The following ZNF141 variants were observed in gnomAD, a reference collection of about 807,000 sequenced individuals.
ZNF141 encodes zinc finger protein 141 (clone pHZ-44).
ZNF141 carries 7 observed loss-of-function variants against 11.3 expected under a neutral mutation model. The ratio of observed to expected loss-of-function variants is 0.62; its 90% CI spans 0.35 to 1.16. The LOEUF (loss-of-function observed/expected upper bound fraction) is 1.16, where lower values mean the gene tolerates loss of function less well. Among genes scored for constraint, ZNF141 ranks in the 50% most tolerant of loss-of-function variants. The pLI is 0.02. For missense variants in ZNF141, 535 were observed against 554.0 expected, an observed-to-expected ratio of 0.97 and a Z score of 0.34; for synonymous variants, 183 against 190.7, an observed-to-expected ratio of 0.96 and a Z score of 0.33.
chr4:361,863 C>T (rs1271784268), intron 3 of ZNF141, among the ~76,000 whole-genome samples: 1 of 152,098 alleles, frequency 6.6e-6, no homozygotes, highest in Non-Finnish European at 1.5e-5. Context: ...TTTATAGCAG[C>T]ATGATTTATA....
At chr4:341,115 T>TG (rs1721028823) in intron 1 of ZNF141, among the ~76,000 whole-genome samples, 1 of 151,870 alleles carries the variant, frequency 6.6e-6, no homozygotes, top group African/African-American at 2.4e-5. Flanking sequence ...GTCGCCAGGC[T>TG]GGGGTGCAGT....
At chr4:342,985 T>G (rs1237756978) in intron 1 of ZNF141, 2 of 1,317,392 alleles carry the variant, frequency 1.5e-6, no homozygotes, top group East Asian at 4.6e-5. Context: ...AATCAGTTCC[T>G]TGCGTGGTTA....
chr4:338,151 C>T, intron 1 of ZNF141, 165 bp downstream of exon 1: 1 of 851,418 alleles, frequency 1.2e-6, no homozygotes, highest in South Asian at 1.6e-5. Flanking sequence ...GGTCCCCGCA[C>T]AGCGGCTCTG....
intron 1 of ZNF141, among the ~76,000 whole-genome samples, chr4:338,967 C>T (rs187121084): frequency 2.0e-5 from 3 of 152,346 alleles, no homozygotes; most frequent in Non-Finnish European, 4.4e-5. Flanking sequence ...TTCTGTTCCT[C>T]CAGGTCTCCT....
intron 3 of ZNF141, among the ~76,000 whole-genome samples, chr4:354,907 C>T (rs2108701130): frequency 6.6e-6 from 1 of 152,070 alleles, no homozygotes; most frequent in African/African-American, 2.4e-5. Flanking sequence ...GATATGATTT[C>T]AGTCTGTTTA....
intron 1 of ZNF141, among the ~76,000 whole-genome samples, chr4:342,374 A>T (rs1258911413): frequency 6.6e-6 from 1 of 152,172 alleles, no homozygotes. Context: ...TTTGAAGATG[A>T]TGATTGGTGG....
intron 3 of ZNF141, among the ~76,000 whole-genome samples, chr4:349,342 TTCAA>T (rs1332190377): frequency 2.0e-5 from 3 of 152,216 alleles, no homozygotes; most frequent in Non-Finnish European, 4.4e-5. Context: ...CATTTATTAG[TTCAA>T]TCAATTTTTC....
At chr4:366,595 C>T (rs1453867633) in intron 3 of ZNF141, among the ~76,000 whole-genome samples, 1 of 152,220 alleles carries the variant, frequency 6.6e-6, no homozygotes, top group East Asian at 1.9e-4. Flanking sequence ...AGCCACCACA[C>T]CCAGCATTAT....
chr4:371,729 A>T (rs187749359), intron 3 of ZNF141, among the ~76,000 whole-genome samples: 73 of 150,668 alleles, frequency 4.8e-4, no homozygotes, highest in African/African-American at 1.7e-3. Context: ...TTTAGTAGGG[A>T]CGGTGATTCA....
At chr4:339,186 A>T (rs1553848038) in intron 1 of ZNF141, among the ~76,000 whole-genome samples, 1 of 152,226 alleles carries the variant, frequency 6.6e-6, no homozygotes, top group African/African-American at 2.4e-5. Context: ...TCTCCCAAGA[A>T]CACACACAGT....
In ZNF141 at chr4:379,081, G is replaced by A. The variant is rs1429508156; in HGVS notation, c.*5219G>A. 6.6e-6 allele frequency among the ~76,000 whole-genome samples: 1 copy of A among 151,996 alleles called. No homozygotes were observed. The highest frequency in any genetic ancestry group is 1.5e-5 in the Non-Finnish European group (1 of 68,000). ...GCTGGTCTCGAGCTCCTGTCCTCGT[G>A]ATCCACGCACGTCAGCCTCCCAAAG... On this transcript the variant is annotated 3_prime_UTR_variant, in exon 4 of 4. Transcript: ENST00000240499.
Position 376,736 on chromosome 4 carries a change from C to G in ZNF141, c.*2874C>G, listed in dbSNP as rs1333976820. ...TTTATGTGAGTTTGTACCTATTTTC[C>G]AAAGAAAATAGCAATATTAGAACAA... is the stretch of plus-strand genomic sequence containing the variant. On this transcript the variant is annotated 3_prime_UTR_variant, in exon 4 of 4. Coordinates refer to ENST00000240499, the MANE Select transcript of ZNF141 (RefSeq NM_003441.4). 2.0e-5 allele frequency among the ~76,000 whole-genome samples: 3 copies of G among 151,882 alleles called. No homozygotes were observed. The highest frequency in any genetic ancestry group is 7.2e-5 in the African/African-American group (3 of 41,384).
intron 1 of ZNF141, among the ~76,000 whole-genome samples, chr4:343,340 C>A (rs1464708078): frequency 3.3e-5 from 5 of 152,194 alleles, no homozygotes; most frequent in African/African-American, 1.2e-4. Flanking sequence ...GAGAATATTA[C>A]TGCGTTGAAA....
chr4:367,381 C>G (rs528107331), intron 3 of ZNF141, among the ~76,000 whole-genome samples: 38 of 152,156 alleles, frequency 2.5e-4, no homozygotes, highest in African/African-American at 8.7e-4. Context: ...ATTTTACTTT[C>G]TATTTATTTG....
Position 376,317 on chromosome 4 carries a change from C to G in ZNF141, c.*2455C>G, listed in dbSNP as rs1013951237. ...TTGTATTTTCACTCTTGTTATTTTC[C>G]GAAATTTTTGTGGGTACATAGTATG... On this transcript the variant is annotated 3_prime_UTR_variant, in exon 4 of 4. Transcript: ENST00000240499. Among the ~76,000 whole-genome samples the G allele has an allele frequency of 4.0e-5, 6 of 151,706 alleles. No homozygotes were observed. Among genetic ancestry groups the G allele is most frequent in the African/African-American group, 1.2e-4 (5 of 41,352 alleles).
In ZNF141 at chr4:345,116, TA is replaced by T. The variant is rs1721258908; in HGVS notation, c.226+690del. 2.0e-5 allele frequency among the ~76,000 whole-genome samples: 3 copies of T among 152,270 alleles called. No individual in the cohort carries two copies. In the East Asian group the frequency reaches 5.8e-4, roughly 29 times the overall value. On this transcript the variant is annotated intron_variant, in intron 3 of 3. Coordinates refer to ENST00000240499, the MANE Select transcript of ZNF141 (RefSeq NM_003441.4). ...TCAAGTATTCTTTTCGTATTATGTC[TA>T]AAATGTGTAACGTGAGTAGTGGACA...
intron 1 of ZNF141, among the ~76,000 whole-genome samples, chr4:342,646 C>G (rs1362324751): frequency 6.6e-6 from 1 of 152,214 alleles, no homozygotes; most frequent in Non-Finnish European, 1.5e-5. Context: ...CTAAGTGACT[C>G]TCAGCCCAGT....
chr4:349,600 A>G (rs1477706375), intron 3 of ZNF141, among the ~76,000 whole-genome samples: 1 of 152,152 alleles, frequency 6.6e-6, no homozygotes, highest in Non-Finnish European at 1.5e-5. Flanking sequence ...CACAGTTTGT[A>G]TAAACTATTT....
rs1456631379 is a variant in ZNF141, at chr4:373,760, TAAG to T, written c.1326_1328del (p.Lys443del). 1 of 1,614,020 alleles carries T rather than the reference TAAG, an allele frequency of 6.2e-7. No homozygotes were observed. The highest frequency in any genetic ancestry group is 1.3e-5 in the African/African-American group (1 of 74,938). ...AACAATTTTCGCTCCTGAGTCAACA[TAAG>T]AAAATTCATACTGTAGATAAACCCT... On this transcript the variant is annotated inframe_deletion, in exon 4 of 4. Transcript: ENST00000240499.
Sources: gnomAD v4.1 joint callset for allele counts (sites outside exome capture counted in the v4.1 genomes callset) on GRCh38, gnomAD v4.1.1 for gene constraint, MANE v1.5 for transcripts, NCBI Gene and HGNC (gene_info 2026-07-23, HGNC 2026-07-21) for gene names.